Variants in CLYBL observed in about 807,000 individuals in gnomAD.
CLYBL encodes the protein citramalyl-CoA lyase, also known as citramalyl-CoA lyase, mitochondrial.
A neutral mutation model predicts 38.9 loss-of-function variants in CLYBL; 31 were observed. The ratio of observed to expected loss-of-function variants is 0.80; its 90% CI spans 0.60 to 1.08. The LOEUF (loss-of-function observed/expected upper bound fraction) is 1.08. Among genes scored for constraint, CLYBL ranks in the 50% least tolerant of loss-of-function variants. The pLI is 0.00. For synonymous variants in CLYBL, 171 were observed against 158.6 expected (o/e 1.08, Z -0.59); for missense variants, 434 against 411.6 (o/e 1.05, Z -0.47).
chr13:99,630,074 GCCTTGCACC>G (rs2046922200), intron 1 of CLYBL, among the ~76,000 whole-genome samples: 1 of 86,512 alleles, frequency 1.2e-5, no homozygotes, highest in Non-Finnish European at 3.0e-5. Flanking sequence ...TGCCTAGGTA[GCCTTGCACC>G]CCTGGGAGGA....
chr13:99,727,858 A>G (rs761727399), intron 1 of CLYBL, among the ~76,000 whole-genome samples: 1 of 152,134 alleles, frequency 6.6e-6, no homozygotes, highest in Non-Finnish European at 1.5e-5. Flanking sequence ...TGGGCGGATC[A>G]CTTGAGGCCA....
chr13:99,730,644 TAGAC>T (rs2139569031), intron 1 of CLYBL, among the ~76,000 whole-genome samples: 1 of 152,112 alleles, frequency 6.6e-6, no homozygotes, highest in South Asian at 2.1e-4. Context: ...CCCAAGATGA[TAGAC>T]AGGAGCTGAA....
intron 1 of CLYBL, among the ~76,000 whole-genome samples, chr13:99,640,162 CCTGT>C (rs1484384671): frequency 7.9e-5 from 12 of 152,088 alleles, no homozygotes; most frequent in South Asian, 4.2e-4. Context: ...GCCCAAAGTA[CCTGT>C]CTAACTCAAA....
At chr13:99,674,661 TG>T (rs2047617650) in intron 1 of CLYBL, among the ~76,000 whole-genome samples, 1 of 152,166 alleles carries the variant, frequency 6.6e-6, no homozygotes, top group South Asian at 2.1e-4. Flanking sequence ...ATCTATTTTC[TG>T]TCTTAATGTT....
At chr13:99,809,988 G>A (rs1162203664) in intron 2 of CLYBL, among the ~76,000 whole-genome samples, 1 of 152,214 alleles carries the variant, frequency 6.6e-6, no homozygotes, top group Non-Finnish European at 1.5e-5. Context: ...AAGTTTTGCT[G>A]GCAAGTGGAA....
intron 2 of CLYBL, among the ~76,000 whole-genome samples, chr13:99,852,106 C>G (rs941771176): frequency 1.3e-5 from 2 of 152,104 alleles, no homozygotes; most frequent in Non-Finnish European, 2.9e-5. Context: ...TTGCATGGTT[C>G]CATTTATACA....
At chr13:99,615,863 T>C (rs2046700522) in intron 1 of CLYBL, among the ~76,000 whole-genome samples, 1 of 152,172 alleles carries the variant, frequency 6.6e-6, no homozygotes, top group South Asian at 2.1e-4. Flanking sequence ...AAACGGAGTC[T>C]CACTCTGTCG....
chr13:99,889,494 C>T (rs962589447), intron 7 of CLYBL, among the ~76,000 whole-genome samples: 1 of 151,972 alleles, frequency 6.6e-6, no homozygotes. Flanking sequence ...AAAATTAGCT[C>T]GAGGCTGAAT....
chr13:99,659,564 A>G (rs889695080), intron 1 of CLYBL, among the ~76,000 whole-genome samples: 1 of 152,022 alleles, frequency 6.6e-6, no homozygotes, highest in Non-Finnish European at 1.5e-5. Flanking sequence ...CCTGTTTTCT[A>G]TTGTTTGCTT....
At chr13:99,880,424 A>G (rs2052175366) in intron 7 of CLYBL, among the ~76,000 whole-genome samples, 2 of 152,060 alleles carry the variant, frequency 1.3e-5, no homozygotes, top group Admixed American at 1.3e-4. Flanking sequence ...TATTATCCCC[A>G]TTTTCCAGAT....
At chr13:99,616,985 TA>T (rs1427949159) in intron 1 of CLYBL, among the ~76,000 whole-genome samples, 5 of 151,570 alleles carry the variant, frequency 3.3e-5, no homozygotes, top group African/African-American at 1.2e-4. Context: ...ATAATAATAA[TA>T]TAATAAAGGA....
intron 1 of CLYBL, among the ~76,000 whole-genome samples, chr13:99,746,355 ATTTTT>A (rs34410635): frequency 8.3e-5 from 12 of 144,470 alleles, no homozygotes; most frequent in Non-Finnish European, 7.6e-5. Flanking sequence ...TTTAAATACT[ATTTTT>A]TTTTTTTTTT....
intron 8 of CLYBL, among the ~76,000 whole-genome samples, chr13:99,903,924 G>C (rs1213786509): frequency 6.6e-6 from 1 of 151,912 alleles, no homozygotes; most frequent in Non-Finnish European, 1.5e-5. Flanking sequence ...ACACATCTGT[G>C]GTCCCAGCTA....
intron 2 of CLYBL, among the ~76,000 whole-genome samples, chr13:99,815,942 C>T (rs1290569504): frequency 6.6e-6 from 1 of 152,162 alleles, no homozygotes; most frequent in Non-Finnish European, 1.5e-5. Context: ...AAAGATCTAT[C>T]AGCAGAGCAG....
At chr13:99,801,792 G>A (rs1239181719) in intron 2 of CLYBL, among the ~76,000 whole-genome samples, 4 of 152,248 alleles carry the variant, frequency 2.6e-5, no homozygotes, top group South Asian at 4.1e-4. Flanking sequence ...CGAGGCAGGC[G>A]GATCACCTGA....
chr13:99,681,186 A>G (rs996486653), intron 1 of CLYBL, among the ~76,000 whole-genome samples: 1 of 152,198 alleles, frequency 6.6e-6, no homozygotes, highest in East Asian at 1.9e-4. Flanking sequence ...AATGGAGATA[A>G]AGTACGTTAT....
At chr13:99,607,898 C>T (rs551320323) in intron 1 of CLYBL, among the ~76,000 whole-genome samples, 19 of 152,116 alleles carry the variant, frequency 1.2e-4, no homozygotes, top group African/African-American at 4.1e-4. Context: ...TGTGCACCAC[C>T]ACCCCTGGCT....
chr13:99,817,776 G>A (rs571645027), intron 2 of CLYBL, among the ~76,000 whole-genome samples: 2 of 152,230 alleles, frequency 1.3e-5, no homozygotes, highest in African/African-American at 2.4e-5. Context: ...GCCAAGGCAG[G>A]AGGATTGCTT....
intron 1 of CLYBL, among the ~76,000 whole-genome samples, chr13:99,658,465 G>C (rs532050250): frequency 1.3e-5 from 2 of 152,298 alleles, no homozygotes; most frequent in South Asian, 4.1e-4. Context: ...GAAACCCCGA[G>C]GCTGCCGGGG....
Sources: gnomAD v4.1 joint callset for allele counts (sites outside exome capture counted in the v4.1 genomes callset) on GRCh38, gnomAD v4.1.1 for gene constraint, MANE v1.5 for transcripts, NCBI Gene and HGNC (gene_info 2026-07-23, HGNC 2026-07-21) for gene names.